GRIK2: variants seen among roughly 807,000 people sequenced by gnomAD.
The protein encoded by GRIK2 is glutamate ionotropic receptor kainate type subunit 2, also known as glutamate receptor ionotropic, kainate 2.
GRIK2 carries 32 observed loss-of-function variants against 100.3 expected under a neutral mutation model. The ratio of observed to expected loss-of-function variants is 0.32; its 90% confidence interval spans 0.24 to 0.43. The LOEUF (loss-of-function observed/expected upper bound fraction) is 0.43, where lower values mean the gene tolerates loss of function less well. Among genes scored for constraint, GRIK2 ranks in the 20% least tolerant of loss-of-function variants. The probability of loss-of-function intolerance (pLI) is 1.00; values close to 1 mark genes in which losing one functional copy is unlikely to be tolerated. For missense variants in GRIK2, 843 were observed against 1,114.9 expected (o/e 0.76, Z 3.47); for synonymous variants, 417 against 389.4 (o/e 1.07, Z -0.83).
chr6:101,833,675 C>A (rs972820580), intron 10 of GRIK2, among the ~76,000 whole-genome samples: 4 of 150,058 alleles, frequency 2.7e-5, no homozygotes, highest in Admixed American at 2.0e-4. Context: ...TCAAATTGTA[C>A]TTATTATGAT....
chr6:101,937,699 C>T (rs867118492), intron 14 of GRIK2, among the ~76,000 whole-genome samples: 3 of 151,556 alleles, frequency 2.0e-5, no homozygotes, highest in African/African-American at 7.3e-5. Flanking sequence ...AAAACCCAGA[C>T]TCTACTTTGT....
chr6:101,852,493 C>A (rs1784193140), intron 10 of GRIK2, among the ~76,000 whole-genome samples: 1 of 152,096 alleles, frequency 6.6e-6, no homozygotes, highest in Admixed American at 6.6e-5. Context: ...TTGACCAGAA[C>A]AATTCGTTTC....
chr6:101,789,881 T>C (rs1779717486), intron 7 of GRIK2, among the ~76,000 whole-genome samples: 1 of 152,202 alleles, frequency 6.6e-6, no homozygotes, highest in South Asian at 2.1e-4. Context: ...TTTTATTTCA[T>C]TGAGCAGTGG....
chr6:101,753,300 AAAG>A (rs1776916974), intron 7 of GRIK2, among the ~76,000 whole-genome samples: 1 of 151,508 alleles, frequency 6.6e-6, no homozygotes, highest in Non-Finnish European at 1.5e-5. Flanking sequence ...AAAAAAAAAA[AAAG>A]AAAATAACAC....
At chr6:102,015,382 C>A (rs1379420151) in intron 14 of GRIK2, among the ~76,000 whole-genome samples, 2 of 152,144 alleles carry the variant, frequency 1.3e-5, no homozygotes, top group Non-Finnish European at 2.9e-5. Context: ...GATCTTGCTT[C>A]TTTACCCACT....
At chr6:101,540,544 A>C (rs1455980926) in intron 2 of GRIK2, among the ~76,000 whole-genome samples, 1 of 151,926 alleles carries the variant, frequency 6.6e-6, no homozygotes, top group Non-Finnish European at 1.5e-5. Context: ...AAAAATGAAA[A>C]ATTAAAAAAA....
intron 2 of GRIK2, among the ~76,000 whole-genome samples, chr6:101,472,790 A>G (rs1772017988): frequency 6.6e-6 from 1 of 151,808 alleles, no homozygotes; most frequent in African/African-American, 2.4e-5. Context: ...TTTGATTGCT[A>G]ATTTTAAAGA....
rs1163558120 is a variant in GRIK2 at position 101,523,720 on chromosome 6, C to CTTTTTTTTTTTTT, written c.116-98222_116-98210dup. 1.4e-3 allele frequency among the ~76,000 whole-genome samples: 167 copies of CTTTTTTTTTTTTT among 121,490 alleles called. 3 individuals carry two copies. Among genetic ancestry groups the CTTTTTTTTTTTTT allele is most frequent in the Middle Eastern group, 9.9e-3 (2 of 202 alleles). 79.7% of individuals were successfully genotyped at this position (121,490 alleles called of 152,430 possible). ...AAATAGAACATAATGACTCCTAAGT[C>CTTTTTTTTTTTTT]TTTTTTTTTTTTTTTTTTTGATGGA... On this transcript the variant is annotated intron_variant, in intron 2 of 16. Transcript: ENST00000369134.
chr6:101,536,051 G>A (rs1259801771), intron 2 of GRIK2, among the ~76,000 whole-genome samples: 1 of 151,696 alleles, frequency 6.6e-6, no homozygotes, highest in East Asian at 1.9e-4. Flanking sequence ...TAATTTCACA[G>A]TCATCTGAGA....
chr6:101,794,060 A>C (rs1236181860), intron 7 of GRIK2, among the ~76,000 whole-genome samples: 3 of 152,188 alleles, frequency 2.0e-5, no homozygotes, highest in African/African-American at 7.2e-5. Flanking sequence ...TAAGCCCGTC[A>C]GAAAAGCGCA....
intron 9 of GRIK2, among the ~76,000 whole-genome samples, chr6:101,816,275 C>T (rs1781624272): frequency 6.6e-6 from 1 of 152,010 alleles, no homozygotes; most frequent in Non-Finnish European, 1.5e-5. Context: ...GGAACAAATG[C>T]ATGATAGGTA....
intron 10 of GRIK2, among the ~76,000 whole-genome samples, chr6:101,821,197 A>T (rs1372677983): frequency 2.0e-5 from 3 of 152,190 alleles, no homozygotes; most frequent in Non-Finnish European, 4.4e-5. Flanking sequence ...AAGAGTACCC[A>T]TATAATTTCT....
intron 2 of GRIK2, among the ~76,000 whole-genome samples, chr6:101,452,755 T>A (rs1009135249): frequency 1.3e-5 from 2 of 151,742 alleles, no homozygotes; most frequent in South Asian, 2.1e-4. Context: ...TCTTGTGTTT[T>A]AAAAAAAACC....
intron 7 of GRIK2, among the ~76,000 whole-genome samples, chr6:101,786,258 T>C (rs1259179015): frequency 7.3e-6 from 1 of 136,482 alleles, no homozygotes; most frequent in Non-Finnish European, 1.5e-5. Flanking sequence ...AAGGGACAAT[T>C]TGACTTTTTT....
At chr6:101,991,124 T>A (rs957442503) in intron 14 of GRIK2, among the ~76,000 whole-genome samples, 2 of 151,896 alleles carry the variant, frequency 1.3e-5, no homozygotes, top group African/African-American at 4.8e-5. Flanking sequence ...ATAGTTTTCC[T>A]CCATGTGATA....
chr6:101,611,792 A>G (rs571070083), intron 2 of GRIK2, among the ~76,000 whole-genome samples: 20 of 151,716 alleles, frequency 1.3e-4, no homozygotes, highest in Admixed American at 1.2e-3. Context: ...GCTGTCACCT[A>G]CTTATTTATT....
At chr6:101,633,104 C>A (rs552174188) in intron 4 of GRIK2, among the ~76,000 whole-genome samples, 13 of 152,106 alleles carry the variant, frequency 8.5e-5, no homozygotes, top group African/African-American at 3.1e-4. Flanking sequence ...AAAAAGCTAG[C>A]GTAGGAGAGA....
chr6:101,788,306 C>G (rs967121556), intron 7 of GRIK2, among the ~76,000 whole-genome samples: 5 of 151,704 alleles, frequency 3.3e-5, no homozygotes, highest in Admixed American at 6.6e-5. Flanking sequence ...TGTGCTGCAC[C>G]CATTAACTCG....
chr6:102,042,507 C>A (rs1770643257), intron 15 of GRIK2, among the ~76,000 whole-genome samples: 1 of 151,580 alleles, frequency 6.6e-6, no homozygotes, highest in South Asian at 2.1e-4. Context: ...GAGACCAAAG[C>A]AGACAGACCA....
Sources: gnomAD v4.1 joint callset for allele counts (sites outside exome capture counted in the v4.1 genomes callset) on GRCh38, gnomAD v4.1.1 for gene constraint, MANE v1.5 for transcripts, NCBI Gene and HGNC (gene_info 2026-07-23, HGNC 2026-07-21) for gene names.